Variants in PRKG1 observed in about 807,000 individuals in gnomAD.
The protein encoded by PRKG1 is protein kinase cGMP-dependent 1, also known as cGMP-dependent protein kinase 1.
In PRKG1, 35 loss-of-function variants were observed where a neutral mutation model predicts 88.1. The observed-to-expected ratio is 0.40, with a 90% confidence interval of 0.30 to 0.53. PRKG1 has a LOEUF of 0.53. PRKG1 is among the 20% of genes least tolerant of loss of function. PRKG1 has a pLI of 0.59. For synonymous variants in PRKG1, 303 were observed against 292.5 expected, an observed-to-expected ratio of 1.04 and a Z score of -0.37; for missense variants, 540 against 839.8, an observed-to-expected ratio of 0.64 and a Z score of 4.41.
chr10:52,267,681 A>C (rs1841611621), intron 10 of PRKG1, among the ~76,000 whole-genome samples: 2 of 152,078 alleles, frequency 1.3e-5, no homozygotes, highest in African/African-American at 4.8e-5. Context: ...ACACACTAAC[A>C]TACGAACACA....
chr10:52,008,627 A>C (rs1382088363), intron 5 of PRKG1, among the ~76,000 whole-genome samples: 3 of 152,144 alleles, frequency 2.0e-5, no homozygotes, highest in Non-Finnish European at 4.4e-5. Context: ...TTGAATCAAT[A>C]ATAAAAACCC....
At chr10:51,072,354 G>A (rs901268201), upstream of PRKG1, among the ~76,000 whole-genome samples, 5 of 152,012 alleles carry the variant, frequency 3.3e-5, no homozygotes, top group Admixed American at 6.5e-5. Flanking sequence ...TAGATCTATA[G>A]GAAAAAGTCA....
chr10:51,788,877 A>G (rs1838797319), intron 3 of PRKG1, among the ~76,000 whole-genome samples: 1 of 152,182 alleles, frequency 6.6e-6, no homozygotes, highest in South Asian at 2.1e-4. Context: ...TTTTCCCTTC[A>G]AGAAATGAGA....
chr10:51,862,801 G>A (rs531543767), intron 4 of PRKG1, among the ~76,000 whole-genome samples: 40 of 152,036 alleles, frequency 2.6e-4, no homozygotes, highest in Non-Finnish European at 4.1e-4. Flanking sequence ...TTCAACATGT[G>A]TATTTTTATA....
At chr10:51,611,617 A>C (rs886597649) in intron 3 of PRKG1, among the ~76,000 whole-genome samples, 6 of 151,150 alleles carry the variant, frequency 4.0e-5, no homozygotes, top group African/African-American at 1.5e-4. Flanking sequence ...TTTGCTGTGC[A>C]GAAGCCTTTA....
intron 9 of PRKG1, among the ~76,000 whole-genome samples, chr10:52,229,572 G>A (rs1474804215): frequency 6.6e-6 from 1 of 152,180 alleles, no homozygotes; most frequent in African/African-American, 2.4e-5. Context: ...GGTCCTCAGA[G>A]AGGACATCTC....
intron 2 of PRKG1, among the ~76,000 whole-genome samples, chr10:51,175,626 A>G (rs774665338): frequency 2.8e-4 from 42 of 152,042 alleles, no homozygotes; most frequent in Non-Finnish European, 1.2e-4. Flanking sequence ...TTCCTGAGAT[A>G]TATATTTAAA....
intron 2 of PRKG1, among the ~76,000 whole-genome samples, chr10:51,295,300 TA>T (rs1840691429): frequency 6.6e-6 from 1 of 152,202 alleles, no homozygotes; most frequent in Non-Finnish European, 1.5e-5. Context: ...TGTGTCTTTT[TA>T]AATTTTCTTC....
intron 4 of PRKG1, among the ~76,000 whole-genome samples, chr10:51,818,148 T>G (rs1156996450): frequency 6.6e-6 from 1 of 152,184 alleles, no homozygotes. Flanking sequence ...GATTTTGTTA[T>G]CATATAGAAA....
rs759829714 is a variant in PRKG1 at position 52,295,240 on chromosome 10, G to A, written c.*1340G>A. ...AGGTCAGAGAACAAAACAAGAACCT[G>A]GCCAGGTGTTGATTACCTTTTAGTG... is the stretch of plus-strand genomic sequence containing the variant. On this transcript the variant is annotated 3_prime_UTR_variant, in exon 18 of 18. Transcript: ENST00000373980. The A allele has an allele frequency of 1.3e-5, 2 of 151,982 alleles. No individual in the cohort carries two copies. The highest frequency in any genetic ancestry group is 2.9e-5 in the Non-Finnish European group (2 of 67,938). 9.4% of individuals were successfully genotyped at this position (151,982 alleles called of 1,614,324 possible). A position where few individuals can be genotyped will look rare whatever the true frequency, so the allele number is the denominator to read the frequency against.
At chr10:51,629,518 C>T (rs1389247052) in intron 3 of PRKG1, among the ~76,000 whole-genome samples, 3 of 151,752 alleles carry the variant, frequency 2.0e-5, no homozygotes. Flanking sequence ...ACACCATAAT[C>T]TCATTTTGAT....
intron 3 of PRKG1, among the ~76,000 whole-genome samples, chr10:51,592,096 G>A (rs974612390): frequency 1.3e-5 from 2 of 152,098 alleles, no homozygotes; most frequent in African/African-American, 4.8e-5. Flanking sequence ...TTAGCTGCAC[G>A]CTCTGGGGAA....
chr10:52,131,844 A>AAAAAAAAAAAAAC lies in PRKG1; in HGVS notation c.936-1994_936-1993insAAAAAAAAAACAA, dbSNP rs764532999. Among the ~76,000 whole-genome samples the AAAAAAAAAAAAAC allele has an allele frequency of 6.8e-5, 8 of 117,174 alleles. 2 individuals carry two copies. Among genetic ancestry groups the AAAAAAAAAAAAAC allele is most frequent in the Non-Finnish European group, 1.2e-4 (6 of 50,688 alleles). 76.9% of individuals were successfully genotyped at this position (117,174 alleles called of 152,430 possible). On this transcript the variant is annotated intron_variant, in intron 7 of 17. Coordinates refer to ENST00000373980, the MANE Select transcript of PRKG1 (RefSeq NM_006258.4). The stretch of plus-strand genomic sequence containing the variant: ...AAAAAAAAAAAAAAAAAAAAAAAAA[A>AAAAAAAAAAAAAC]AAGAGGCCAGTTTGGCCAAAAGGCA...
chr10:51,123,404 G>C (rs187452494), intron 1 of PRKG1, among the ~76,000 whole-genome samples: 2 of 152,202 alleles, frequency 1.3e-5, no homozygotes, highest in East Asian at 3.9e-4. Context: ...AAATACCTGA[G>C]CCCGGGCCTG....
intron 7 of PRKG1, among the ~76,000 whole-genome samples, chr10:52,077,946 G>A (rs1290653431): frequency 2.6e-5 from 4 of 152,160 alleles, no homozygotes; most frequent in Non-Finnish European, 5.9e-5. Flanking sequence ...TTGTCTTTGA[G>A]AGTCAATTTC....
chr10:51,158,408 C>A (rs915117204), intron 2 of PRKG1, among the ~76,000 whole-genome samples: 2 of 151,802 alleles, frequency 1.3e-5, no homozygotes, highest in African/African-American at 2.4e-5. Context: ...ACTGTTGTTA[C>A]AAGTTTATTA....
At chr10:51,641,821 C>T (rs1378273745) in intron 3 of PRKG1, among the ~76,000 whole-genome samples, 1 of 151,926 alleles carries the variant, frequency 6.6e-6, no homozygotes, top group African/African-American at 2.4e-5. Context: ...TGTTTATTTC[C>T]TTTAACTTTC....
chr10:52,192,029 A>C (rs1839376102), intron 9 of PRKG1, among the ~76,000 whole-genome samples: 1 of 152,174 alleles, frequency 6.6e-6, no homozygotes, highest in Non-Finnish European at 1.5e-5. Flanking sequence ...AGAGTAAGTA[A>C]TTGGAGCACC....
chr10:51,921,248 T>A (rs1339527231), intron 5 of PRKG1, among the ~76,000 whole-genome samples: 1 of 152,140 alleles, frequency 6.6e-6, no homozygotes, highest in Non-Finnish European at 1.5e-5. Context: ...AATTGACTTT[T>A]ATATATTAAC....
Sources: allele counts gnomAD v4.1 joint callset (sites outside exome capture counted in the v4.1 genomes callset), GRCh38; gene constraint gnomAD v4.1.1; transcripts MANE v1.5; gene names NCBI Gene and HGNC (gene_info 2026-07-23, HGNC 2026-07-21).